Variants in FOCAD observed in about 807,000 individuals in gnomAD.
The protein encoded by FOCAD is focadhesin, also known as KIAA1797.
A neutral mutation model predicts 225.6 loss-of-function variants in FOCAD; 198 were observed. That is an observed-to-expected ratio of 0.88 (90% CI 0.78 to 0.99). The LOEUF is 0.99. Ranked by LOEUF, FOCAD falls within the 50% of genes least tolerant of loss-of-function variation. FOCAD has a pLI of 0.00. For missense variants in FOCAD, 2,713 were observed against 2,123.6 expected (o/e 1.28, Z -5.46); for synonymous variants, 897 against 755.0 (o/e 1.19, Z -3.08).
intron 1 of FOCAD, among the ~76,000 whole-genome samples, chr9:20,709,326 T>C (rs1298507417): frequency 1.3e-5 from 2 of 152,158 alleles, no homozygotes; most frequent in African/African-American, 2.4e-5. Flanking sequence ...ACATGCATTT[T>C]TGTAGCATGT....
At chr9:20,857,514 A>G (rs1315210695) in intron 15 of FOCAD, among the ~76,000 whole-genome samples, 3 of 151,988 alleles carry the variant, frequency 2.0e-5, no homozygotes, top group Non-Finnish European at 2.9e-5. Context: ...GTTTTTCTAA[A>G]TATGAGATCA....
chr9:20,882,917 G>C (rs957168017), intron 20 of FOCAD, among the ~76,000 whole-genome samples: 1 of 152,130 alleles, frequency 6.6e-6, no homozygotes, highest in African/African-American at 2.4e-5. Context: ...GCCAATTAGT[G>C]GGGGGTGTTG....
intron 23 of FOCAD, among the ~76,000 whole-genome samples, chr9:20,915,323 G>T (rs563625439): frequency 6.6e-6 from 1 of 152,308 alleles, no homozygotes; most frequent in South Asian, 2.1e-4. Context: ...TATATTTAAA[G>T]GTGGGGAAGA....
chr9:20,690,569 G>A (rs1348343870), intron 1 of FOCAD, among the ~76,000 whole-genome samples: 1 of 152,132 alleles, frequency 6.6e-6, no homozygotes, highest in East Asian at 1.9e-4. Context: ...TTCATCTAGA[G>A]ACAGAGTCTT....
chr9:20,815,253 C>G (rs1222425683), intron 11 of FOCAD, among the ~76,000 whole-genome samples: 2 of 149,238 alleles, frequency 1.3e-5, no homozygotes, highest in South Asian at 4.2e-4. Context: ...CATGCCTCAG[C>G]CTCCTAAGTA....
intron 11 of FOCAD, among the ~76,000 whole-genome samples, chr9:20,815,899 T>C (rs1445499566): frequency 6.6e-6 from 1 of 152,180 alleles, no homozygotes; most frequent in Non-Finnish European, 1.5e-5. Flanking sequence ...AATTAGTCCA[T>C]CTTTTATGTA....
chr9:20,683,548 C>T (rs1822473160), upstream of FOCAD: 2 of 152,236 alleles, frequency 1.3e-5, 1 homozygote, highest in East Asian at 3.9e-4. Flanking sequence ...GCCCCTGCCC[C>T]GCCCCACGAG....
At position 20,664,404 on chromosome 9, in the gene FOCAD, A is replaced by G. The variant is rs761174019; in HGVS notation, c.-78+5578A>G. Among the ~76,000 whole-genome samples, 123 of 151,376 alleles carry G rather than the reference A, an allele frequency of 8.1e-4. 2 individuals are homozygous for G. The highest frequency in any genetic ancestry group is 4.2e-4 in the South Asian group (2 of 4,772). ...TAATGGTTCAACAAATCAGACCTCA[A>G]TTAGAAAGAGCTATTCATTTCTCAG... is the stretch of plus-strand genomic sequence containing the variant. On this transcript the variant is annotated intron_variant, in intron 2 of 45. Coordinates refer to the FOCAD transcript ENST00000380249.
chr9:20,695,327 C>T (rs574829196), intron 1 of FOCAD, among the ~76,000 whole-genome samples: 1 of 152,126 alleles, frequency 6.6e-6, no homozygotes, highest in Admixed American at 6.5e-5. Flanking sequence ...TGGGATCATC[C>T]TGATCCCTCT....
At position 20,658,689 on chromosome 9, in the gene FOCAD, A is replaced by G; in HGVS notation, c.-213-2A>G. 6.4e-6 allele frequency: 1 copy of G among 157,398 alleles called. No individual in the cohort carries two copies. The highest frequency in any genetic ancestry group is 1.4e-5 in the Non-Finnish European group (1 of 72,310). 9.8% of individuals were successfully genotyped at this position (157,398 alleles called of 1,614,324 possible). Reference sequence around the variant, plus strand: ...CTGCGCCCACTGTCTGGCACTCCCTAGTGAGATGAACTCGGTATCTCAGAT... The same window carrying G: ...CTGCGCCCACTGTCTGGCACTCCCTGGTGAGATGAACTCGGTATCTCAGAT... On this transcript the variant is annotated splice_acceptor_variant, in intron 1 of 45. Transcript: ENST00000380249. LOFTEE classifies it low-confidence loss of function (5UTR_SPLICE).
At chr9:20,717,913 C>A in intron 3 of FOCAD, 45 bp downstream of exon 3, 1 of 1,468,630 alleles carries the variant, frequency 6.8e-7, no homozygotes, top group Non-Finnish European at 9.5e-7. Flanking sequence ...GATAAGATTG[C>A]TACTAGCTGG....
intron 6 of FOCAD, among the ~76,000 whole-genome samples, chr9:20,763,309 T>C (rs1053173709): frequency 3.3e-5 from 5 of 152,074 alleles, no homozygotes; most frequent in Non-Finnish European, 5.9e-5. Flanking sequence ...GATACAGATA[T>C]TAAGTATGTA....
chr9:20,762,850 GTC>G (rs1186094708), intron 6 of FOCAD, among the ~76,000 whole-genome samples: 1 of 152,020 alleles, frequency 6.6e-6, no homozygotes, highest in African/African-American at 2.4e-5. Context: ...AGTCCCTTGT[GTC>G]TGTTGTTCCC....
chr9:20,990,983 A>T (rs935121629), intron 42 of FOCAD, among the ~76,000 whole-genome samples: 48 of 152,308 alleles, frequency 3.2e-4, no homozygotes, highest in Non-Finnish European at 6.5e-4. Flanking sequence ...CCTTGCCCTC[A>T]GGAAAACCTA....
chr9:20,661,756 T>G (rs1821733721), intron 2 of FOCAD, among the ~76,000 whole-genome samples: 1 of 152,192 alleles, frequency 6.6e-6, no homozygotes, highest in Non-Finnish European at 1.5e-5. Flanking sequence ...AATACCAGAT[T>G]ACAAAGGCAT....
rs760291971 is a variant in FOCAD at position 20,821,066 on chromosome 9, G to C, written c.1788G>C (p.Lys596Asn). Reference protein sequence around the residue: ...AKAASIRDICKQRPYQHGADM... With the variant: ...AKAASIRDICNQRPYQHGADM... ...CAGCATCAATCAGAGATATATGTAA[G>C]CAGAGGTATGATGTCATTAACTCTT... is the stretch of plus-strand genomic sequence containing the variant. The change falls in exon 14 of 44, where the codon AAG (lysine) becomes AAC (asparagine). Residue 596 changes from lysine to asparagine, a missense_variant. Transcript: ENST00000338382. 1 of 1,612,082 alleles carries C rather than the reference G, an allele frequency of 6.2e-7. No individual in the cohort carries two copies. Among genetic ancestry groups the C allele is most frequent in the African/African-American group, 1.3e-5 (1 of 74,908 alleles).
At chr9:20,920,170 C>A (rs1392843000) in intron 24 of FOCAD, among the ~76,000 whole-genome samples, 3 of 152,120 alleles carry the variant, frequency 2.0e-5, no homozygotes, top group African/African-American at 7.2e-5. Flanking sequence ...ACAGACACTT[C>A]TCAGAAGAAG....
intron 22 of FOCAD, among the ~76,000 whole-genome samples, chr9:20,911,361 A>G (rs918706404): frequency 2.6e-5 from 4 of 152,150 alleles, no homozygotes; most frequent in Non-Finnish European, 4.4e-5. Flanking sequence ...CTAAATACAC[A>G]AACTCTGTAG....
chr9:20,906,750 C>T (rs1248770823), intron 21 of FOCAD, among the ~76,000 whole-genome samples: 1 of 152,022 alleles, frequency 6.6e-6, no homozygotes, highest in Non-Finnish European at 1.5e-5. Flanking sequence ...ATTGGAAATC[C>T]AGGATATGAG....
Sources: allele counts gnomAD v4.1 joint callset (sites outside exome capture counted in the v4.1 genomes callset), GRCh38; gene constraint gnomAD v4.1.1; transcripts MANE v1.5; gene names NCBI Gene and HGNC (gene_info 2026-07-23, HGNC 2026-07-21).